Variants in MAP2K4 observed in about 807,000 individuals in gnomAD.
The protein encoded by MAP2K4 is mitogen-activated protein kinase kinase 4.
A neutral mutation model predicts 48.5 loss-of-function variants in MAP2K4; 4 were observed. That is an observed-to-expected ratio of 0.08 (90% confidence interval 0.04 to 0.19). MAP2K4 has a LOEUF of 0.19. Ranked by LOEUF, MAP2K4 falls within the 10% of genes least tolerant of loss-of-function variation. MAP2K4 has a pLI of 1.00. For synonymous variants in MAP2K4, 166 were observed against 173.1 expected, an observed-to-expected ratio of 0.96 and a Z score of 0.32; for missense variants, 258 against 493.3, an observed-to-expected ratio of 0.52 and a Z score of 4.52.
chr17:12,040,301 A>T (rs981500661), intron 1 of MAP2K4, among the ~76,000 whole-genome samples: 2 of 152,206 alleles, frequency 1.3e-5, no homozygotes, highest in Non-Finnish European at 2.9e-5. Flanking sequence ...GGGGCATACG[A>T]CTGAAAGCAA....
At chr17:12,066,835 G>A (rs1223173965) in intron 2 of MAP2K4, among the ~76,000 whole-genome samples, 1 of 152,072 alleles carries the variant, frequency 6.6e-6, no homozygotes, top group Non-Finnish European at 1.5e-5. Flanking sequence ...GACTACAGGC[G>A]CCCGCCACTG....
intron 2 of MAP2K4, among the ~76,000 whole-genome samples, chr17:12,064,011 G>A (rs747911233): frequency 4.9e-4 from 54 of 109,952 alleles, no homozygotes; most frequent in Non-Finnish European, 8.2e-4. Flanking sequence ...AGGAGGAGAG[G>A]GGAAGGGGGG....
intron 2 of MAP2K4, among the ~76,000 whole-genome samples, chr17:12,056,600 A>G (rs1970289396): frequency 6.6e-6 from 1 of 152,110 alleles, no homozygotes; most frequent in Non-Finnish European, 1.5e-5. Context: ...TCTGGTATGT[A>G]AAAATTTTAG....
chr17:12,023,829 A>T (rs1257932948), intron 1 of MAP2K4, among the ~76,000 whole-genome samples: 1 of 152,172 alleles, frequency 6.6e-6, no homozygotes, highest in Admixed American at 6.5e-5. Context: ...TCGAAGCCTC[A>T]GTTTCTCACT....
At chr17:12,044,382 A>G (rs1969891055) in intron 1 of MAP2K4, among the ~76,000 whole-genome samples, 1 of 152,146 alleles carries the variant, frequency 6.6e-6, no homozygotes, top group African/African-American at 2.4e-5. Context: ...CTTTATTCTA[A>G]TCTACTTGCT....
Position 12,110,444 on chromosome 17 carries a change from T to G in MAP2K4, c.685+18T>G. On this transcript the variant is annotated intron_variant, in intron 6 of 10. Transcript: ENST00000353533. ...TCACAGAGGTGGGTATGGATTGGTA[T>G]TTTTTGTAATAGAAATTAACTTTTT... The G allele has an allele frequency of 6.4e-7, 1 of 1,564,852 alleles. No individual in the cohort carries two copies.
rs550167330 is a variant in MAP2K4 at position 12,082,545 on chromosome 17, T to G, written c.393+1015T>G. On this transcript the variant is annotated intron_variant, in intron 3 of 10. Transcript: ENST00000353533. ...AGAGTCCTTAGTTTTTTCTTGACAT[T>G]TGAGAATGAATTTAAATTAAAATAA... Among the ~76,000 whole-genome samples, 16 of 152,332 alleles carry G rather than the reference T, an allele frequency of 1.1e-4. No homozygotes were observed. The South Asian group carries it at 3.3e-3, about 32-fold the overall frequency.
At chr17:12,104,997 C>T (rs9901450) in intron 4 of MAP2K4, among the ~76,000 whole-genome samples, 1 of 152,136 alleles carries the variant, frequency 6.6e-6, no homozygotes, top group East Asian at 1.9e-4. Context: ...CATTCTTTTG[C>T]TATGATCTGC....
intron 2 of MAP2K4, among the ~76,000 whole-genome samples, chr17:12,063,798 C>T (rs1970525299): frequency 6.6e-6 from 1 of 151,912 alleles, no homozygotes; most frequent in South Asian, 2.1e-4. Context: ...AATGGTAAAA[C>T]TCCATCTCTA....
At chr17:12,044,338 T>C in intron 1 of MAP2K4, among the ~76,000 whole-genome samples, 1 of 152,188 alleles carries the variant, frequency 6.6e-6, no homozygotes, top group East Asian at 1.9e-4. Flanking sequence ...AAATGGGTAC[T>C]TAGGCTAGGA....
intron 2 of MAP2K4, among the ~76,000 whole-genome samples, chr17:12,078,399 ATGG>A (rs1567648127): frequency 6.6e-6 from 1 of 152,160 alleles, no homozygotes; most frequent in Non-Finnish European, 1.5e-5. Flanking sequence ...TGGGGGGTAC[ATGG>A]TGTATATATT....
intron 1 of MAP2K4, among the ~76,000 whole-genome samples, chr17:12,035,544 C>A (rs1403439541): frequency 6.6e-6 from 1 of 151,930 alleles, no homozygotes; most frequent in Non-Finnish European, 1.5e-5. Context: ...AACTCCATAT[C>A]AAAATAAATA....
intron 1 of MAP2K4, among the ~76,000 whole-genome samples, chr17:12,032,764 A>G (rs759115238): frequency 5.3e-5 from 8 of 152,104 alleles, no homozygotes; most frequent in Non-Finnish European, 1.2e-4. Flanking sequence ...CTCCCTCACC[A>G]TCCTTATTCT....
chr17:12,106,384 C>T (rs566121169), intron 4 of MAP2K4, among the ~76,000 whole-genome samples: 2 of 152,136 alleles, frequency 1.3e-5, no homozygotes, highest in South Asian at 4.2e-4. Flanking sequence ...TTTACTACGT[C>T]AAATATGCTT....
chr17:12,053,020 A>G (rs1970188126), intron 1 of MAP2K4, among the ~76,000 whole-genome samples: 1 of 152,132 alleles, frequency 6.6e-6, no homozygotes, highest in Non-Finnish European at 1.5e-5. Flanking sequence ...CAAAAATCCC[A>G]AATCCCATTA....
chr17:12,111,629 A>C (rs1236697362), intron 6 of MAP2K4, among the ~76,000 whole-genome samples: 2 of 152,158 alleles, frequency 1.3e-5, no homozygotes, highest in Non-Finnish European at 2.9e-5. Flanking sequence ...AAATAAAAAA[A>C]CTTCAGAAGT....
At chr17:12,074,081 A>G (rs780956981) in intron 2 of MAP2K4, among the ~76,000 whole-genome samples, 4 of 151,850 alleles carry the variant, frequency 2.6e-5, no homozygotes, top group Non-Finnish European at 5.9e-5. Flanking sequence ...CTCTTGTTGT[A>G]GTTTTTGTGT....
chr17:12,116,476 T>C (rs533752018), intron 7 of MAP2K4, among the ~76,000 whole-genome samples: 1 of 152,332 alleles, frequency 6.6e-6, no homozygotes, highest in Admixed American at 6.5e-5. Flanking sequence ...TTTTTTACTT[T>C]ATACACTTTT....
chr17:12,051,485 C>T (rs1970137478), intron 1 of MAP2K4, among the ~76,000 whole-genome samples: 1 of 152,148 alleles, frequency 6.6e-6, no homozygotes, highest in Non-Finnish European at 1.5e-5. Flanking sequence ...TTTGATGCCT[C>T]GTTTCTCTCC....
Sources: allele counts gnomAD v4.1 joint callset (sites outside exome capture counted in the v4.1 genomes callset), GRCh38; gene constraint gnomAD v4.1.1; transcripts MANE v1.5; gene names NCBI Gene and HGNC (gene_info 2026-07-23, HGNC 2026-07-21).